CSMD1: variants seen among roughly 807,000 people sequenced by gnomAD.
CSMD1 encodes CUB and sushi domain-containing protein 1.
Under a neutral mutation model 417.5 loss-of-function variants are expected in CSMD1, and 213 were observed. The observed-to-expected ratio is 0.51, with a 90% CI of 0.46 to 0.57. CSMD1 has a LOEUF of 0.57. CSMD1 is among the 20% of genes least tolerant of loss of function. The pLI is 0.00. For synonymous variants in CSMD1, 2,862 were observed against 1,736.8 expected (o/e 1.65, Z -16.11); for missense variants, 6,923 against 4,529.7 (o/e 1.53, Z -15.17).
At position 3,916,755 on chromosome 8, in the gene CSMD1, T is replaced by G. The variant is rs1365374021; in HGVS notation, c.818+81148A>C. On this transcript the variant is annotated intron_variant, in intron 5 of 69. Transcript: ENST00000635120. The stretch of plus-strand genomic sequence containing the variant: ...AATCATTGAGAATGTGTCACAAAAC[T>G]AGAGAGAGAAAAAATAATTGAGTGG... Among the ~76,000 whole-genome samples, 4 of 151,972 alleles carry G rather than the reference T, an allele frequency of 2.6e-5. No individual in the cohort carries two copies. In the East Asian group the frequency reaches 7.7e-4, roughly 29 times the overall value.
At chr8:4,664,082 G>A (rs1417221969) in intron 1 of CSMD1, among the ~76,000 whole-genome samples, 1 of 152,088 alleles carries the variant, frequency 6.6e-6, no homozygotes, top group East Asian at 1.9e-4. Flanking sequence ...CTGTGTGTGC[G>A]TCATCGTACA....
intron 1 of CSMD1, among the ~76,000 whole-genome samples, chr8:4,906,474 A>G (rs1316604265): frequency 6.6e-6 from 1 of 151,326 alleles, no homozygotes; most frequent in African/African-American, 2.4e-5. Flanking sequence ...TAGCAAAGGA[A>G]TACATCCTCT....
chr8:3,079,984 G>C (rs1192374681), intron 49 of CSMD1, among the ~76,000 whole-genome samples: 1 of 152,140 alleles, frequency 6.6e-6, no homozygotes. Context: ...TATCTAAAAG[G>C]CCTGACTTTA....
chr8:3,801,878 A>G (rs1241197415), intron 5 of CSMD1, among the ~76,000 whole-genome samples: 2 of 152,122 alleles, frequency 1.3e-5, no homozygotes, highest in African/African-American at 4.8e-5. Flanking sequence ...ACAAAACACC[A>G]CATATTATGA....
intron 2 of CSMD1, among the ~76,000 whole-genome samples, chr8:4,479,827 G>C (rs1585143342): frequency 6.6e-6 from 1 of 152,036 alleles, no homozygotes; most frequent in African/African-American, 2.4e-5. Flanking sequence ...AGCCAGGCGT[G>C]GTGGCGCCCA....
At chr8:3,256,929 A>C (rs1563193613) in intron 26 of CSMD1, among the ~76,000 whole-genome samples, 1 of 152,258 alleles carries the variant, frequency 6.6e-6, no homozygotes, top group Non-Finnish European at 1.5e-5. Context: ...TAACTAACAA[A>C]ATTTTACATT....
intron 10 of CSMD1, among the ~76,000 whole-genome samples, chr8:3,512,938 C>T (rs1338015195): frequency 1.3e-5 from 2 of 152,002 alleles, no homozygotes; most frequent in East Asian, 3.9e-4. Flanking sequence ...GTTGTATAAC[C>T]ATAGAGAGCC....
intron 23 of CSMD1, among the ~76,000 whole-genome samples, chr8:3,315,028 T>G (rs981335071): frequency 6.6e-5 from 10 of 152,216 alleles, no homozygotes; most frequent in Non-Finnish European, 2.9e-5. Context: ...CTGATATATT[T>G]TCTCATGAGC....
chr8:4,085,224 CTGAT>C (rs958225030), intron 3 of CSMD1, among the ~76,000 whole-genome samples: 14 of 152,104 alleles, frequency 9.2e-5, no homozygotes, highest in Admixed American at 7.2e-4. Context: ...CATGAATCAT[CTGAT>C]TGATTTAGGG....
At position 4,244,311 on chromosome 8, in the gene CSMD1, C is replaced by G. The variant is rs937310456; in HGVS notation, c.415+175642G>C. 4.9e-4 allele frequency among the ~76,000 whole-genome samples: 75 copies of G among 152,098 alleles called. 1 individual carries two copies. The highest frequency in any genetic ancestry group is 1.5e-4 in the Non-Finnish European group (10 of 68,014). On this transcript the variant is annotated intron_variant, in intron 3 of 69. Coordinates refer to ENST00000635120, the MANE Select transcript of CSMD1 (RefSeq NM_033225.6). ...CGGGAAACACTATGCAGTCTTGTCT[C>G]CATGCCTGAAACTTTGCCTGGAGCT...
chr8:4,148,205 A>G (rs530848140), intron 3 of CSMD1, among the ~76,000 whole-genome samples: 3 of 152,040 alleles, frequency 2.0e-5, no homozygotes, highest in African/African-American at 4.8e-5. Context: ...ACTGTAAGTT[A>G]TAAGTTGCTA....
At chr8:3,536,526 T>C (rs930224156) in intron 10 of CSMD1, among the ~76,000 whole-genome samples, 5 of 152,212 alleles carry the variant, frequency 3.3e-5, no homozygotes, top group Admixed American at 3.3e-4. Context: ...CTTCGAGGAT[T>C]GGCCTCCATG....
chr8:4,861,285 A>G (rs1393104879), intron 1 of CSMD1, among the ~76,000 whole-genome samples: 3 of 152,166 alleles, frequency 2.0e-5, no homozygotes, highest in African/African-American at 4.8e-5. Context: ...ACAAAGGTAC[A>G]GTATGCACAT....
At chr8:3,346,980 G>T (rs1364048869) in intron 22 of CSMD1, among the ~76,000 whole-genome samples, 1 of 152,242 alleles carries the variant, frequency 6.6e-6, no homozygotes, top group African/African-American at 2.4e-5. Flanking sequence ...ATGATTTATA[G>T]CAGGGGAGTC....
chr8:4,524,303 C>G (rs1796395711), intron 2 of CSMD1, among the ~76,000 whole-genome samples: 1 of 151,078 alleles, frequency 6.6e-6, no homozygotes, highest in Non-Finnish European at 1.5e-5. Flanking sequence ...TGTTAACAAC[C>G]TGCTAGTAAA....
intron 23 of CSMD1, among the ~76,000 whole-genome samples, chr8:3,311,777 C>A (rs7843299): frequency 0.019 from 2,836 of 149,004 alleles, 86 homozygotes; most frequent in African/African-American, 0.064. Context: ...TGTACAGAAG[C>A]GTTTATCAAT....
intron 7 of CSMD1, among the ~76,000 whole-genome samples, chr8:3,619,040 G>C (rs1802286861): frequency 6.6e-6 from 1 of 152,138 alleles, no homozygotes; most frequent in South Asian, 2.1e-4. Flanking sequence ...CTGCTGTATA[G>C]AAAACTGCAG....
intron 3 of CSMD1, among the ~76,000 whole-genome samples, chr8:4,196,621 A>C (rs948679978): frequency 1.3e-5 from 2 of 152,194 alleles, no homozygotes; most frequent in African/African-American, 4.8e-5. Flanking sequence ...CTTCAAGGCC[A>C]GCAATGCTGG....
At chr8:4,912,055 G>GA (rs1383435785) in intron 1 of CSMD1, among the ~76,000 whole-genome samples, 2 of 117,452 alleles carry the variant, frequency 1.7e-5, no homozygotes, top group African/African-American at 6.7e-5. Context: ...AAAAGAAAAA[G>GA]AAAAAACCTA....
Sources: gnomAD v4.1 joint callset for allele counts (sites outside exome capture counted in the v4.1 genomes callset) on GRCh38, gnomAD v4.1.1 for gene constraint, MANE v1.5 for transcripts, NCBI Gene and HGNC (gene_info 2026-07-23, HGNC 2026-07-21) for gene names.